ACVR1: variants seen among roughly 807,000 people sequenced by gnomAD.
ACVR1 encodes the protein activin A receptor type 1, also known as activin receptor type-1.
Under a neutral mutation model 57.1 loss-of-function variants are expected in ACVR1, and 38 were observed. That is an observed-to-expected ratio of 0.67 (90% confidence interval 0.51 to 0.87). The LOEUF is 0.87. ACVR1 is among the 40% of genes least tolerant of loss of function. The pLI is 0.00. For missense variants in ACVR1, 463 were observed against 638.2 expected, an observed-to-expected ratio of 0.73 and a Z score of 2.96; for synonymous variants, 212 against 228.1, an observed-to-expected ratio of 0.93 and a Z score of 0.63.
chr2:157,755,523 A>AATACCATACC (rs71402402), intron 9 of ACVR1, among the ~76,000 whole-genome samples: 476 of 149,894 alleles, frequency 3.2e-3, no homozygotes, highest in African/African-American at 5.9e-3. Flanking sequence ...AGCTGCAAAT[A>AATACCATACC]ATACCATACC....
At chr2:157,868,245 G>A (rs1690006018) in intron 1 of ACVR1, among the ~76,000 whole-genome samples, 1 of 152,046 alleles carries the variant, frequency 6.6e-6, no homozygotes, top group Admixed American at 6.5e-5. Flanking sequence ...AGCACTCTGG[G>A]AGGCCGAGGT....
Position 157,774,132 on chromosome 2 carries a change from A to C in ACVR1, c.599T>G (p.Val200Gly). Residue 200 changes from valine to glycine, a missense_variant, in exon 6 of 11, where the codon GTA becomes GGA. This residue lies in a region of ACVR1 where 114 missense variants were observed against 216.2 expected (regional missense o/e 0.53). Transcript: ENST00000434821. ...AATCTGGCGAGCCACTGTTCTTTGT[A>C]CCAGAAAAGGAAGACCAGAGCCACT... The part of the protein sequence containing the change: ...SGSGSGLPFL[V>G]QRTVARQITL... 1 of 1,614,168 alleles carries C rather than the reference A, an allele frequency of 6.2e-7. No homozygotes were observed. The highest frequency in any genetic ancestry group is 8.5e-7 in the Non-Finnish European group (1 of 1,180,006).
At chr2:157,864,084 G>T (rs913037461) in intron 1 of ACVR1, among the ~76,000 whole-genome samples, 2 of 151,460 alleles carry the variant, frequency 1.3e-5, no homozygotes, top group Non-Finnish European at 2.9e-5. Context: ...GGATGGTCTC[G>T]ATCTCCTGAC....
intron 1 of ACVR1, among the ~76,000 whole-genome samples, chr2:157,839,077 T>G (rs1229745990): frequency 6.6e-6 from 1 of 152,176 alleles, no homozygotes; most frequent in African/African-American, 2.4e-5. Context: ...TGGTTTATTT[T>G]TAATTTATTT....
At chr2:157,766,347 C>T (rs925587967) in intron 7 of ACVR1, 151 bp from the exon 8 acceptor site, 2 of 768,718 alleles carry the variant, frequency 2.6e-6, no homozygotes, top group African/African-American at 1.8e-5. Flanking sequence ...ACAGAAGCAT[C>T]AACAGAGAAA....
chr2:157,826,622 A>G (rs1470320935), intron 1 of ACVR1: 1 of 148,882 alleles, frequency 6.7e-6, no homozygotes, highest in African/African-American at 2.5e-5. Flanking sequence ...GCACTGCATT[A>G]CAGACTGGGC....
intron 1 of ACVR1, among the ~76,000 whole-genome samples, chr2:157,828,970 G>T (rs1282710732): frequency 1.3e-5 from 2 of 152,096 alleles, no homozygotes; most frequent in African/African-American, 4.8e-5. Context: ...GTTTCCCCAT[G>T]TTGGCCAGGC....
chr2:157,775,557 G>A (rs1369172591), intron 5 of ACVR1, among the ~76,000 whole-genome samples: 1 of 152,016 alleles, frequency 6.6e-6, no homozygotes, highest in South Asian at 2.1e-4. Flanking sequence ...ACTGTTGATC[G>A]GCAAAATTAC....
At chr2:157,842,431 CAGGCACTGATTT>C (rs1225700152) in intron 1 of ACVR1, among the ~76,000 whole-genome samples, 1 of 152,194 alleles carries the variant, frequency 6.6e-6, no homozygotes, top group Non-Finnish European at 1.5e-5. Context: ...TACAATGAGC[CAGGCACTGATTT>C]AGGCACTGGA....
At chr2:157,864,529 G>A (rs1689847372) in intron 1 of ACVR1, among the ~76,000 whole-genome samples, 1 of 152,058 alleles carries the variant, frequency 6.6e-6, no homozygotes, top group East Asian at 1.9e-4. Context: ...CACCACACTT[G>A]GCCAAATTCC....
chr2:157,856,732 A>G (rs1427509320), intron 1 of ACVR1, among the ~76,000 whole-genome samples: 1 of 152,196 alleles, frequency 6.6e-6, no homozygotes, highest in African/African-American at 2.4e-5. Context: ...GGTATCAAAA[A>G]ATATTTTTTA....
At chr2:157,851,093 T>C (rs1273153801) in intron 1 of ACVR1, among the ~76,000 whole-genome samples, 2 of 152,178 alleles carry the variant, frequency 1.3e-5, no homozygotes, top group South Asian at 2.1e-4. Context: ...AAAAAACCCA[T>C]ATCTTCCCTA....
intron 1 of ACVR1, chr2:157,860,165 G>A (rs1192037449): frequency 6.6e-6 from 1 of 152,188 alleles, no homozygotes; most frequent in East Asian, 1.9e-4. Context: ...TTGAAGGAAA[G>A]AAGGCTGAGC....
intron 1 of ACVR1, among the ~76,000 whole-genome samples, chr2:157,873,161 G>C (rs1028793111): frequency 6.6e-6 from 1 of 152,168 alleles, no homozygotes; most frequent in Non-Finnish European, 1.5e-5. Flanking sequence ...AACTCAGGAA[G>C]ACAGTATGTG....
intron 9 of ACVR1, among the ~76,000 whole-genome samples, chr2:157,747,043 A>T (rs1684993224): frequency 6.6e-6 from 1 of 152,192 alleles, no homozygotes; most frequent in African/African-American, 2.4e-5. Context: ...ACTCCAAGAG[A>T]TCTATCTGGT....
chr2:157,872,979 C>A (rs1279783554), intron 1 of ACVR1, among the ~76,000 whole-genome samples: 1 of 152,206 alleles, frequency 6.6e-6, no homozygotes, highest in African/African-American at 2.4e-5. Context: ...GGTGCAAGTA[C>A]AAACGCATAT....
At chr2:157,741,991 G>A (rs1235533971) in intron 9 of ACVR1, among the ~76,000 whole-genome samples, 1 of 152,120 alleles carries the variant, frequency 6.6e-6, no homozygotes, top group Non-Finnish European at 1.5e-5. Context: ...GCAAGGACAG[G>A]AACTGACAAA....
intron 8 of ACVR1, among the ~76,000 whole-genome samples, chr2:157,762,748 G>T (rs554418785): frequency 2.6e-5 from 4 of 152,120 alleles, no homozygotes; most frequent in Non-Finnish European, 4.4e-5. Flanking sequence ...ATTATAAAAG[G>T]CTTCCTGTTT....
chr2:157,870,033 G>A (rs1690064417), intron 1 of ACVR1, among the ~76,000 whole-genome samples: 1 of 152,164 alleles, frequency 6.6e-6, no homozygotes, highest in African/African-American at 2.4e-5. Flanking sequence ...TTCACCCCAA[G>A]CGTAGCCAAC....
Sources: gnomAD v4.1 joint callset for allele counts (sites outside exome capture counted in the v4.1 genomes callset) on GRCh38, gnomAD v4.1.1 for gene constraint, gnomAD v4.1.1 regional missense constraint, MANE v1.5 for transcripts, NCBI Gene and HGNC (gene_info 2026-07-23, HGNC 2026-07-21) for gene names.